UBOX5: variants seen among roughly 807,000 people sequenced by gnomAD.
UBOX5 encodes U-box domain containing 5, also known as RING finger protein 37.
In UBOX5, 28 loss-of-function variants were observed where a neutral mutation model predicts 39.0. That is an observed-to-expected ratio of 0.72 (90% CI 0.53 to 0.98). The LOEUF (loss-of-function observed/expected upper bound fraction) is 0.98, where lower values mean the gene tolerates loss of function less well. Among genes scored for constraint, UBOX5 ranks in the 50% least tolerant of loss-of-function variants. UBOX5 has a pLI of 0.00. For synonymous variants in UBOX5, 283 were observed against 275.5 expected (o/e 1.03, Z -0.27); for missense variants, 585 against 674.4 (o/e 0.87, Z 1.47).
Position 3,137,432 on chromosome 20 carries a change from C to T in UBOX5, c.-41-14026G>A, listed in dbSNP as rs547759542. Reference sequence around the variant, plus strand: ...TACAGGTGCCCGCCACCATGCCTGGCTATTTTTTGTATTTTTAGTAGAGAC... The same window carrying T: ...TACAGGTGCCCGCCACCATGCCTGGTTATTTTTTGTATTTTTAGTAGAGAC... On this transcript the variant is annotated intron_variant, in intron 1 of 4. Coordinates refer to ENST00000217173, the MANE Select transcript of UBOX5 (RefSeq NM_014948.4). Among the ~76,000 whole-genome samples, 5 of 152,126 alleles carry T rather than the reference C, an allele frequency of 3.3e-5. No homozygotes were observed. The East Asian group carries it at 5.8e-4, about 18-fold the overall frequency.
intron 1 of UBOX5, among the ~76,000 whole-genome samples, chr20:3,127,720 A>G (rs1002429109): frequency 6.6e-6 from 1 of 152,188 alleles, no homozygotes; most frequent in Non-Finnish European, 1.5e-5. Flanking sequence ...ACATTTATAC[A>G]CGAGAATAAA....
In UBOX5 at chr20:3,153,874, G is replaced by C. The variant is rs138213081; in HGVS notation, c.-42+5892C>G. On this transcript the variant is annotated intron_variant, in intron 1 of 4. Transcript: ENST00000217173. ...TTCCAAATTCAAAAATCCAAAATCT[G>C]AAATACTCCAATCATTTTTTTTTCC... Among the ~76,000 whole-genome samples, 123 of 152,262 alleles carry C rather than the reference G, an allele frequency of 8.1e-4. 1 individual carries two copies. In the East Asian group the frequency reaches 0.02, roughly 24 times the overall value.
intron 1 of UBOX5, chr20:3,151,660 A>C (rs1049971664): frequency 3.3e-5 from 5 of 151,760 alleles, no homozygotes; most frequent in African/African-American, 7.2e-5. Context: ...AAAAATAAAA[A>C]ATTTTAATTA....
chr20:3,130,200 G>C (rs560151462), intron 1 of UBOX5, among the ~76,000 whole-genome samples: 3 of 151,010 alleles, frequency 2.0e-5, no homozygotes, highest in Admixed American at 6.6e-5. Flanking sequence ...ATCCAGACTG[G>C]GTGACAGAGT....
chr20:3,128,976 C>A (rs748892817), intron 1 of UBOX5, among the ~76,000 whole-genome samples: 1 of 152,144 alleles, frequency 6.6e-6, no homozygotes, highest in Non-Finnish European at 1.5e-5. Flanking sequence ...TTAGATCAGA[C>A]CTGAAATTAA....
At chr20:3,152,807 G>A (rs1330094592) in intron 1 of UBOX5, among the ~76,000 whole-genome samples, 1 of 151,914 alleles carries the variant, frequency 6.6e-6, no homozygotes, top group East Asian at 1.9e-4. Context: ...TTGAGAGGCT[G>A]AGGCAGGAGA....
chr20:3,142,603 CAAAAAAA>C (rs899893927), intron 1 of UBOX5, among the ~76,000 whole-genome samples: 1 of 50,838 alleles, frequency 2.0e-5, no homozygotes, highest in Admixed American at 2.2e-4. Context: ...GACTCCGTCT[CAAAAAAA>C]AAAAAAAAAA....
chr20:3,145,635 C>T (rs1306986824), intron 1 of UBOX5, among the ~76,000 whole-genome samples: 1 of 152,130 alleles, frequency 6.6e-6, no homozygotes, highest in African/African-American at 2.4e-5. Context: ...CAAGGTCTCA[C>T]TATGTTGGCC....
chr20:3,126,988 A>G (rs971134757), intron 1 of UBOX5, among the ~76,000 whole-genome samples: 1 of 135,994 alleles, frequency 7.4e-6, no homozygotes, highest in Non-Finnish European at 1.5e-5. Flanking sequence ...GTGAGCCGAG[A>G]TTGCGCTACT....
At chr20:3,153,015 G>A (rs2066647883) in intron 1 of UBOX5, among the ~76,000 whole-genome samples, 1 of 152,256 alleles carries the variant, frequency 6.6e-6, no homozygotes, top group East Asian at 1.9e-4. Flanking sequence ...CTAGAAGGAG[G>A]CTGGTTTACA....
rs1339929971 is a variant in UBOX5 at position 3,159,858 on chromosome 20, C to T, written c.-134G>A. 2 of 152,314 alleles carry T rather than the reference C, an allele frequency of 1.3e-5. No homozygotes were observed. Among genetic ancestry groups the T allele is most frequent in the Non-Finnish European group, 2.9e-5 (2 of 68,092 alleles). 9.4% of individuals were successfully genotyped at this position (152,314 alleles called of 1,614,324 possible). On this transcript the variant is annotated 5_prime_UTR_variant, in exon 1 of 5. Coordinates refer to ENST00000217173, the MANE Select transcript of UBOX5 (RefSeq NM_014948.4). Reference sequence around the variant, plus strand: ...ACTGGCTCCTCCGGCGACTCCGAGCCTCACAGCCCCACTTCCGGCCAACTG... The same window carrying T: ...ACTGGCTCCTCCGGCGACTCCGAGCTTCACAGCCCCACTTCCGGCCAACTG...
intron 1 of UBOX5, among the ~76,000 whole-genome samples, chr20:3,137,101 T>C (rs186888460): frequency 6.6e-6 from 1 of 152,018 alleles, no homozygotes; most frequent in Admixed American, 6.6e-5. Context: ...GCATGACCCA[T>C]GCCTGGCTAA....
intron 3 of UBOX5, among the ~76,000 whole-genome samples, chr20:3,119,174 T>C (rs2066315702): frequency 1.3e-5 from 2 of 152,194 alleles, no homozygotes; most frequent in South Asian, 2.1e-4. Context: ...GTGCACTCTC[T>C]CTGGAACGCA....
chr20:3,138,407 T>C (rs2066489212), intron 1 of UBOX5, among the ~76,000 whole-genome samples: 1 of 152,164 alleles, frequency 6.6e-6, no homozygotes, highest in African/African-American at 2.4e-5. Flanking sequence ...TCCGACATAC[T>C]AGGCTGGTGG....
chr20:3,130,198 T>A (rs551705792), intron 1 of UBOX5, among the ~76,000 whole-genome samples: 2 of 151,398 alleles, frequency 1.3e-5, no homozygotes, highest in South Asian at 2.1e-4. Context: ...CCATCCAGAC[T>A]GGGTGACAGA....
chr20:3,151,634 A>T (rs1378292346), intron 1 of UBOX5: 1 of 151,882 alleles, frequency 6.6e-6, no homozygotes, highest in Non-Finnish European at 1.5e-5. Flanking sequence ...ATAAAATAAA[A>T]TAAAAAATAA....
At chr20:3,124,460 T>A (rs1043590002) in intron 1 of UBOX5, among the ~76,000 whole-genome samples, 1 of 152,170 alleles carries the variant, frequency 6.6e-6, no homozygotes, top group Non-Finnish European at 1.5e-5. Flanking sequence ...AGTGGCGTGA[T>A]CTCGGCTCGC....
At chr20:3,130,351 T>C (rs951436653) in intron 1 of UBOX5, among the ~76,000 whole-genome samples, 1 of 107,472 alleles carries the variant, frequency 9.3e-6, no homozygotes, top group African/African-American at 4.0e-5. Flanking sequence ...TTTTTTTTTT[T>C]AAAGACAGGG....
Position 3,110,092 on chromosome 20 carries a change from T to C in UBOX5, c.*14A>G. The C allele has an allele frequency of 6.2e-7, 1 of 1,609,638 alleles. No homozygotes were observed. The highest frequency in any genetic ancestry group is 8.5e-7 in the Non-Finnish European group (1 of 1,179,940). ...CCTCCCAGCAATGGGTCTCCTCCAGTGGAGGTCAGTCACTCAGAAGTGGAC... is the reference window on the plus strand; with the variant it reads ...CCTCCCAGCAATGGGTCTCCTCCAGCGGAGGTCAGTCACTCAGAAGTGGAC... On this transcript the variant is annotated 3_prime_UTR_variant, in exon 5 of 5. Coordinates refer to ENST00000217173, the MANE Select transcript of UBOX5 (RefSeq NM_014948.4).
Sources: allele counts gnomAD v4.1 joint callset (sites outside exome capture counted in the v4.1 genomes callset), GRCh38; gene constraint gnomAD v4.1.1; transcripts MANE v1.5; gene names NCBI Gene and HGNC (gene_info 2026-07-23, HGNC 2026-07-21).